GTF2A1L: variants seen among roughly 807,000 people sequenced by gnomAD.
GTF2A1L encodes the protein general transcription factor IIA subunit 1 like, also known as TFIIA-alpha and beta-like factor.
GTF2A1L carries 48 observed loss-of-function variants against 49.7 expected under a neutral mutation model. The ratio of observed to expected loss-of-function variants is 0.97; its 90% CI spans 0.77 to 1.23. The LOEUF (loss-of-function observed/expected upper bound fraction) is 1.23, where lower values mean the gene tolerates loss of function less well. GTF2A1L is among the 50% of genes most tolerant of loss of function. GTF2A1L has a pLI of 0.00. For synonymous variants in GTF2A1L, 246 were observed against 193.5 expected (o/e 1.27, Z -2.25); for missense variants, 736 against 564.8 (o/e 1.30, Z -3.07).
At chr2:48,668,147 A>G (rs867383282) in intron 6 of GTF2A1L, among the ~76,000 whole-genome samples, 4 of 152,012 alleles carry the variant, frequency 2.6e-5, no homozygotes, top group Non-Finnish European at 5.9e-5. Context: ...ATCATATAAT[A>G]TTTGTCCTGT....
At chr2:48,624,045 C>T (rs75615048) in intron 3 of GTF2A1L, among the ~76,000 whole-genome samples, 1 of 151,808 alleles carries the variant, frequency 6.6e-6, no homozygotes, top group Non-Finnish European at 1.5e-5. Flanking sequence ...CACATACCCC[C>T]TGAATCTAAA....
intron 4 of GTF2A1L, among the ~76,000 whole-genome samples, chr2:48,642,829 G>A (rs967178726): frequency 2.0e-5 from 3 of 150,448 alleles, no homozygotes; most frequent in Non-Finnish European, 2.9e-5. Flanking sequence ...GCACTCCAGC[G>A]TGGGTGACAA....
intron 1 of GTF2A1L, among the ~76,000 whole-genome samples, chr2:48,618,937 A>G (rs985841231): frequency 6.6e-6 from 1 of 151,912 alleles, no homozygotes; most frequent in East Asian, 1.9e-4. Context: ...GATTTTTTAG[A>G]CCTAAGAGTT....
At chr2:48,673,226 G>A (rs1679265346) in intron 8 of GTF2A1L, among the ~76,000 whole-genome samples, 1 of 152,048 alleles carries the variant, frequency 6.6e-6, no homozygotes, top group African/African-American at 2.4e-5. Context: ...TGTTTCCACT[G>A]TAGGGGAGAA....
At position 48,646,884 on chromosome 2, in the gene GTF2A1L, C is replaced by T. The variant is rs1339325871; in HGVS notation, c.820C>T (p.Leu274=). 6.2e-7 allele frequency: 1 copy of T among 1,614,212 alleles called. No homozygotes were observed. The highest frequency in any genetic ancestry group is 2.2e-5 in the East Asian group (1 of 44,882). The part of the protein sequence containing the change: ...LSGSASMAQN[L]HDESLSTSPH... ...TGGTTCAGCTAGCATGGCTCAAAAT[C>T]TGCATGATGAGTCCCTCTCCACAAG... Residue 274 remains leucine, a synonymous_variant, in exon 6 of 9, where the codon CTG becomes TTG. Transcript: ENST00000403751.
chr2:48,645,150 C>T (rs1351297302), intron 5 of GTF2A1L, 33 bp downstream of exon 5: 21 of 1,562,318 alleles, frequency 1.3e-5, no homozygotes, highest in Non-Finnish European at 1.6e-5. Flanking sequence ...TTTTTGTTTT[C>T]AGCATTGGTA....
At chr2:48,667,018 C>A (rs577974101) in intron 6 of GTF2A1L, among the ~76,000 whole-genome samples, 1 of 152,106 alleles carries the variant, frequency 6.6e-6, no homozygotes, top group South Asian at 2.1e-4. Context: ...GGCTGGAGTG[C>A]TGTGGTGCAA....
At chr2:48,623,308 A>T (rs1023230010) in intron 3 of GTF2A1L, among the ~76,000 whole-genome samples, 1 of 152,222 alleles carries the variant, frequency 6.6e-6, no homozygotes, top group African/African-American at 2.4e-5. Flanking sequence ...TAAATCTACA[A>T]TTCAATAAGT....
chr2:48,623,242 T>A (rs1031826842), intron 3 of GTF2A1L, among the ~76,000 whole-genome samples: 1 of 152,206 alleles, frequency 6.6e-6, no homozygotes, highest in Non-Finnish European at 1.5e-5. Flanking sequence ...AAAAGCCTGA[T>A]TAAAATAACT....
chr2:48,631,918 A>C (rs891372846), intron 3 of GTF2A1L, among the ~76,000 whole-genome samples: 1 of 152,208 alleles, frequency 6.6e-6, no homozygotes, highest in African/African-American at 2.4e-5. Flanking sequence ...TTGTTTACCC[A>C]AAAGTCATTC....
intron 6 of GTF2A1L, among the ~76,000 whole-genome samples, chr2:48,665,128 G>A (rs1233389258): frequency 2.0e-5 from 3 of 151,994 alleles, no homozygotes; most frequent in African/African-American, 7.2e-5. Context: ...CACCATGTTA[G>A]TCAGGCTGGT....
In GTF2A1L at chr2:48,654,865, TG is replaced by T. The variant is rs112482576; in HGVS notation, c.978+7824del. Among the ~76,000 whole-genome samples, 422 of 152,360 alleles carry T rather than the reference TG, an allele frequency of 2.8e-3. 6 individuals are homozygous for T. The highest frequency in any genetic ancestry group is 9.9e-3 in the African/African-American group (411 of 41,590). ...AGGTTCACTCTGTTTCATTAATTCA[TG>T]TGACTATCTTTTTGCTAGGACCACA... is the stretch of plus-strand genomic sequence containing the variant. On this transcript the variant is annotated intron_variant, in intron 6 of 8. Transcript: ENST00000403751.
At chr2:48,619,058 G>T (rs1171805512) in intron 1 of GTF2A1L, among the ~76,000 whole-genome samples, 1 of 152,094 alleles carries the variant, frequency 6.6e-6, no homozygotes, top group Non-Finnish European at 1.5e-5. Flanking sequence ...TAATTTAGGG[G>T]CATTTAGTCT....
At chr2:48,642,805 G>A (rs1207608847) in intron 4 of GTF2A1L, among the ~76,000 whole-genome samples, 5 of 151,804 alleles carry the variant, frequency 3.3e-5, no homozygotes, top group African/African-American at 4.8e-5. Flanking sequence ...GCAGTGAGCT[G>A]AGATCATGCC....
chr2:48,662,095 C>T lies in GTF2A1L; in HGVS notation c.979-7627C>T, dbSNP rs1468105670. 2.0e-5 allele frequency among the ~76,000 whole-genome samples: 3 copies of T among 152,018 alleles called. No homozygotes were observed. The East Asian group carries it at 5.8e-4, about 29-fold the overall frequency. ...CGGGTATTACATATAATATTTTAGG[C>T]TTATAATAACCTGTTTTAATCAGAT... is the stretch of plus-strand genomic sequence containing the variant. On this transcript the variant is annotated intron_variant, in intron 6 of 8. Transcript: ENST00000403751.
intron 3 of GTF2A1L, among the ~76,000 whole-genome samples, chr2:48,623,178 T>C (rs990971749): frequency 1.3e-5 from 2 of 152,190 alleles, no homozygotes; most frequent in Non-Finnish European, 1.5e-5. Context: ...TTGAAATAAA[T>C]AGTCTCATAA....
chr2:48,657,387 A>C (rs1196632955), intron 6 of GTF2A1L, among the ~76,000 whole-genome samples: 1 of 152,220 alleles, frequency 6.6e-6, no homozygotes, highest in Non-Finnish European at 1.5e-5. Context: ...TAATTCACTT[A>C]GGATGATGGC....
chr2:48,652,431 C>T lies in GTF2A1L; in HGVS notation c.978+5389C>T, dbSNP rs572520077. Among the ~76,000 whole-genome samples, 483 of 151,922 alleles carry T rather than the reference C, an allele frequency of 3.2e-3. 3 individuals are homozygous for T. The highest frequency in any genetic ancestry group is 8.3e-3 in the South Asian group (40 of 4,802). ...AGGAGTTCGAGACCAGCCTGGTCAA[C>T]GTGGTGAAAACTCGTCTCTACTAAA... is the stretch of plus-strand genomic sequence containing the variant. On this transcript the variant is annotated intron_variant, in intron 6 of 8. Coordinates refer to ENST00000403751, the MANE Select transcript of GTF2A1L (RefSeq NM_006872.5).
intron 4 of GTF2A1L, among the ~76,000 whole-genome samples, chr2:48,643,091 A>G (rs1049922470): frequency 6.6e-6 from 1 of 152,188 alleles, no homozygotes; most frequent in South Asian, 2.1e-4. Context: ...TTACATCCTA[A>G]ATAAATAATT....
Sources: allele counts gnomAD v4.1 joint callset (sites outside exome capture counted in the v4.1 genomes callset), GRCh38; gene constraint gnomAD v4.1.1; transcripts MANE v1.5; gene names NCBI Gene and HGNC (gene_info 2026-07-23, HGNC 2026-07-21).